Variants in ALPL observed in about 807,000 individuals in gnomAD.
The protein encoded by ALPL is alkaline phosphatase, biomineralization associated.
In ALPL, 42 loss-of-function variants were observed where a neutral mutation model predicts 51.3. The observed-to-expected ratio is 0.82, with a 90% CI of 0.64 to 1.06. The LOEUF (loss-of-function observed/expected upper bound fraction) is 1.06. ALPL is among the 50% of genes least tolerant of loss of function. The pLI is 0.00. For synonymous variants in ALPL, 279 were observed against 296.4 expected (o/e 0.94, Z 0.60); for missense variants, 589 against 709.4 (o/e 0.83, Z 1.93).
At chr1:21,567,254 G>A (rs1644578658) in intron 6 of ALPL, among the ~76,000 whole-genome samples, 5 of 152,240 alleles carry the variant, frequency 3.3e-5, no homozygotes, top group Admixed American at 2.6e-4. Context: ...CACCCGCGGT[G>A]ACAAGAGAAC....
intron 1 of ALPL, among the ~76,000 whole-genome samples, chr1:21,541,769 T>C (rs1644189609): frequency 6.6e-6 from 1 of 152,072 alleles, no homozygotes; most frequent in Admixed American, 6.6e-5. Context: ...GACATTCTAG[T>C]CTGGGAAGCA....
chr1:21,527,012 C>A (rs1643952933), intron 1 of ALPL, among the ~76,000 whole-genome samples: 1 of 73,794 alleles, frequency 1.4e-5, no homozygotes, highest in Non-Finnish European at 2.9e-5. Context: ...CTATGTTATT[C>A]TTGTTCTTTT....
intron 2 of ALPL, among the ~76,000 whole-genome samples, chr1:21,555,147 C>A (rs558321983): frequency 7.6e-6 from 1 of 132,182 alleles, no homozygotes; most frequent in Non-Finnish European, 1.6e-5. Flanking sequence ...GGTTCTCTGG[C>A]GGGCAGGAGT....
chr1:21,554,887 TTTTCTTTC>T (rs752336026), intron 2 of ALPL, among the ~76,000 whole-genome samples: 1 of 133,254 alleles, frequency 7.5e-6, no homozygotes, highest in Non-Finnish European at 1.6e-5. Flanking sequence ...CTTTCTTTCT[TTTTCTTTC>T]TTTCTTTCTT....
In ALPL at chr1:21,510,125, G is replaced by A. The variant is rs112738484; in HGVS notation, c.-105+608G>A. 3.2e-3 allele frequency among the ~76,000 whole-genome samples: 487 copies of A among 152,292 alleles called. 7 individuals carry two copies. The highest frequency in any genetic ancestry group is 0.012 in the African/African-American group (480 of 41,570). On this transcript the variant is annotated intron_variant, in intron 1 of 11. Transcript: ENST00000374840. Reference sequence around the variant, plus strand: ...ACCCACTGTGGGCACCGCAGCTGTGGGGCAAAGCTCTGGAGCCCGCGAAGC... The same window carrying A: ...ACCCACTGTGGGCACCGCAGCTGTGAGGCAAAGCTCTGGAGCCCGCGAAGC...
intron 6 of ALPL, among the ~76,000 whole-genome samples, chr1:21,567,799 G>A (rs1398844018): frequency 2.6e-5 from 4 of 152,200 alleles, no homozygotes; most frequent in African/African-American, 4.8e-5. Context: ...CACAGGGAAC[G>A]CTCTGTAAAT....
intron 9 of ALPL, 126 bp from the exon 10 acceptor site, chr1:21,575,607 G>T: frequency 8.7e-7 from 1 of 1,143,810 alleles, no homozygotes; most frequent in Non-Finnish European, 1.3e-6. Flanking sequence ...GCTCAGAGTG[G>T]TGCCCGGCGA....
At chr1:21,573,089 T>C (rs975766254) in intron 8 of ALPL, among the ~76,000 whole-genome samples, 2 of 152,186 alleles carry the variant, frequency 1.3e-5, no homozygotes, top group African/African-American at 2.4e-5. Context: ...GCTCCTCATC[T>C]GTGAAACGGG....
At chr1:21,532,433 C>T (rs553168984) in intron 1 of ALPL, among the ~76,000 whole-genome samples, 29 of 152,134 alleles carry the variant, frequency 1.9e-4, no homozygotes, top group African/African-American at 6.3e-4. Context: ...TCATGTGATC[C>T]GCCCGCCTCA....
intron 1 of ALPL, among the ~76,000 whole-genome samples, chr1:21,553,640 C>T (rs1051219620): frequency 5.9e-5 from 9 of 152,238 alleles, no homozygotes; most frequent in Non-Finnish European, 1.0e-4. Flanking sequence ...GATTCAGATG[C>T]TTGCTCTCCT....
chr1:21,570,175 G>A (rs1644625113), intron 7 of ALPL, 130 bp from the exon 8 acceptor site: 2 of 850,618 alleles, frequency 2.4e-6, no homozygotes, highest in African/African-American at 1.7e-5. Flanking sequence ...AGGGATGGTG[G>A]GTCCTCAGGG....
intron 1 of ALPL, among the ~76,000 whole-genome samples, chr1:21,517,030 C>G (rs1047351997): frequency 6.6e-6 from 1 of 152,226 alleles, no homozygotes; most frequent in Non-Finnish European, 1.5e-5. Flanking sequence ...GGCAAATCAT[C>G]TAACACGAGG....
rs1048484346 is a variant in ALPL, at chr1:21,573,587, G to A, written c.863-78G>A. The A allele has an allele frequency of 2.5e-6, 4 of 1,576,540 alleles. No individual in the cohort carries two copies. The African/African-American group carries it at 4.1e-5, about 16-fold the overall frequency. On this transcript the variant is annotated intron_variant, in intron 8 of 11. Transcript: ENST00000374840. ...GCTGTGGGGAGCCTGCATTCCCTGA[G>A]ACACCCCAGCTTCCTTGGAGTCCTC...
chr1:21,539,414 GT>G (rs1644151916), intron 1 of ALPL, among the ~76,000 whole-genome samples: 1 of 152,182 alleles, frequency 6.6e-6, no homozygotes, highest in Admixed American at 6.5e-5. Flanking sequence ...GACAAAATAT[GT>G]AAAATAGGAT....
At chr1:21,549,565 C>T (rs977961943) in intron 1 of ALPL, among the ~76,000 whole-genome samples, 1 of 151,808 alleles carries the variant, frequency 6.6e-6, no homozygotes, top group Admixed American at 6.6e-5. Context: ...ACTCTGCTTC[C>T]TGGGTTCAAG....
chr1:21,564,515 C>T lies in ALPL; in HGVS notation c.648+299C>T, dbSNP rs4654758. On this transcript the variant is annotated intron_variant, in intron 6 of 11. Coordinates refer to ENST00000374840, the MANE Select transcript of ALPL (RefSeq NM_000478.6). The surrounding 1 kb of genome is among the most constrained non-coding windows in gnomAD (Gnocchi z 5.8). Reference sequence around the variant, plus strand: ...GTGCCCTCCTCTGCCCCCCACTACACGGGAGGTGGTGATGGCCAAGTGTCG... The same window carrying T: ...GTGCCCTCCTCTGCCCCCCACTACATGGGAGGTGGTGATGGCCAAGTGTCG... Among the ~76,000 whole-genome samples the T allele has an allele frequency of 3.9e-5, 6 of 152,178 alleles. No homozygotes were observed. The highest frequency in any genetic ancestry group is 2.0e-4 in the Admixed American group (3 of 15,286).
intron 1 of ALPL, among the ~76,000 whole-genome samples, chr1:21,518,514 A>G (rs780111572): frequency 4.6e-5 from 7 of 151,978 alleles, no homozygotes; most frequent in Non-Finnish European, 8.8e-5. Flanking sequence ...TATTACTACG[A>G]TGGATATTAT....
intron 2 of ALPL, among the ~76,000 whole-genome samples, chr1:21,560,419 G>A (rs1427269049): frequency 6.6e-6 from 1 of 152,198 alleles, no homozygotes; most frequent in African/African-American, 2.4e-5. Context: ...GATGTGAGGA[G>A]AAGACCCCAG....
At chr1:21,558,173 C>G (rs1007600298) in intron 2 of ALPL, among the ~76,000 whole-genome samples, 2 of 152,364 alleles carry the variant, frequency 1.3e-5, no homozygotes, top group East Asian at 3.9e-4. Flanking sequence ...GACAAGGACT[C>G]TGCCCTTGTG....
Sources: allele counts gnomAD v4.1 joint callset (sites outside exome capture counted in the v4.1 genomes callset), GRCh38; gene constraint gnomAD v4.1.1; non-coding constraint Gnocchi (gnomAD v3.1); transcripts MANE v1.5; gene names NCBI Gene and HGNC (gene_info 2026-07-23, HGNC 2026-07-21).